Variants in LRMDA observed in about 807,000 individuals in gnomAD.
LRMDA encodes the protein leucine-rich melanocyte differentiation-associated protein.
In LRMDA, 18 loss-of-function variants were observed where a neutral mutation model predicts 29.8. That is an observed-to-expected ratio of 0.60 (90% confidence interval 0.42 to 0.90). The LOEUF (loss-of-function observed/expected upper bound fraction) is 0.90, where lower values mean the gene tolerates loss of function less well. Ranked by LOEUF, LRMDA falls within the 40% of genes least tolerant of loss-of-function variation. The pLI, the probability that LRMDA is intolerant of heterozygous loss-of-function variation, is 0.00. For missense variants in LRMDA, 273 were observed against 273.9 expected (o/e 1.00, Z 0.02); for synonymous variants, 125 against 109.4 (o/e 1.14, Z -0.89).
At chr10:75,851,044 T>G (rs372202574) in intron 2 of LRMDA, among the ~76,000 whole-genome samples, 78 of 152,196 alleles carry the variant, frequency 5.1e-4, no homozygotes, top group South Asian at 1.2e-3. Flanking sequence ...TTTTGGTGGT[T>G]GTTGTTGTTC....
chr10:76,454,540 G>A (rs1052423846), intron 6 of LRMDA, among the ~76,000 whole-genome samples: 6 of 151,860 alleles, frequency 4.0e-5, no homozygotes, highest in Non-Finnish European at 7.4e-5. Flanking sequence ...TAAACATAAA[G>A]AAAAAAAATG....
intron 2 of LRMDA, among the ~76,000 whole-genome samples, chr10:75,718,136 C>T (rs1049117636): frequency 6.6e-6 from 1 of 152,176 alleles, no homozygotes; most frequent in African/African-American, 2.4e-5. Context: ...TACTATCTAT[C>T]AATTGTTGCC....
intron 6 of LRMDA, among the ~76,000 whole-genome samples, chr10:76,409,754 A>G (rs958584507): frequency 6.6e-6 from 1 of 152,230 alleles, no homozygotes; most frequent in Non-Finnish European, 1.5e-5. Context: ...GCATTTCCCA[A>G]TATGTAATAG....
intron 2 of LRMDA, among the ~76,000 whole-genome samples, chr10:75,730,068 T>C (rs184108168): frequency 6.6e-6 from 1 of 152,246 alleles, no homozygotes; most frequent in Admixed American, 6.5e-5. Flanking sequence ...TGAGCAAGTG[T>C]AATACCAAAG....
At chr10:76,204,724 T>C (rs985426031) in intron 5 of LRMDA, among the ~76,000 whole-genome samples, 3 of 152,246 alleles carry the variant, frequency 2.0e-5, no homozygotes, top group Non-Finnish European at 2.9e-5. Context: ...GTTTCTTAAG[T>C]TTGGGGTGGC....
chr10:75,718,380 G>A (rs1842527225), intron 2 of LRMDA, among the ~76,000 whole-genome samples: 1 of 152,174 alleles, frequency 6.6e-6, no homozygotes, highest in South Asian at 2.1e-4. Flanking sequence ...GGAAATATGT[G>A]AGGCCTCAAG....
At chr10:75,686,892 C>T (rs1042922418) in intron 2 of LRMDA, among the ~76,000 whole-genome samples, 3 of 152,198 alleles carry the variant, frequency 2.0e-5, no homozygotes. Flanking sequence ...TGAAATATTT[C>T]TAACTTTTTC....
intron 2 of LRMDA, among the ~76,000 whole-genome samples, chr10:75,894,316 A>G (rs961378802): frequency 3.9e-5 from 6 of 152,214 alleles, no homozygotes; most frequent in Non-Finnish European, 8.8e-5. Flanking sequence ...ACTCAGAATA[A>G]TAGTCTCCAA....
intron 5 of LRMDA, among the ~76,000 whole-genome samples, chr10:76,103,826 G>A (rs996689693): frequency 1.3e-5 from 2 of 152,000 alleles, no homozygotes; most frequent in African/African-American, 4.8e-5. Flanking sequence ...TGAGGCGGGT[G>A]GATCACGAGG....
At chr10:75,479,523 A>T (rs1844834397) in intron 2 of LRMDA, among the ~76,000 whole-genome samples, 1 of 137,524 alleles carries the variant, frequency 7.3e-6, no homozygotes, top group Non-Finnish European at 1.6e-5. Context: ...AAAAAAAAAA[A>T]GTACACGCAA....
chr10:76,074,571 A>G (rs79796239), intron 5 of LRMDA, among the ~76,000 whole-genome samples: 1 of 152,172 alleles, frequency 6.6e-6, no homozygotes, highest in East Asian at 1.9e-4. Context: ...ATTAGCCTAT[A>G]TAGGGAGGAG....
intron 6 of LRMDA, among the ~76,000 whole-genome samples, chr10:76,459,307 A>G (rs1842489113): frequency 6.6e-6 from 1 of 152,154 alleles, no homozygotes; most frequent in Non-Finnish European, 1.5e-5. Context: ...ATAGCCTGTT[A>G]CTAGTGTTTA....
chr10:76,305,381 T>C (rs1840541132), intron 5 of LRMDA, among the ~76,000 whole-genome samples: 1 of 152,104 alleles, frequency 6.6e-6, no homozygotes, highest in Non-Finnish European at 1.5e-5. Flanking sequence ...GAAAGTAACC[T>C]CAAAACATCT....
At chr10:75,663,878 G>A (rs1841787389) in intron 2 of LRMDA, among the ~76,000 whole-genome samples, 1 of 152,060 alleles carries the variant, frequency 6.6e-6, no homozygotes, top group Admixed American at 6.6e-5. Context: ...GGACTGCTGG[G>A]GAGCCCCACG....
intron 5 of LRMDA, among the ~76,000 whole-genome samples, chr10:76,276,257 G>A (rs1300231186): frequency 3.3e-5 from 5 of 151,862 alleles, no homozygotes; most frequent in African/African-American, 1.2e-4. Flanking sequence ...CTCCTGCCTT[G>A]GCCTCCCTAG....
At chr10:76,125,342 CA>C (rs35702256) in intron 5 of LRMDA, among the ~76,000 whole-genome samples, 7 of 152,094 alleles carry the variant, frequency 4.6e-5, no homozygotes, top group Admixed American at 4.6e-4. Flanking sequence ...TTCATTCTTC[CA>C]AAATTATCCA....
At chr10:75,689,070 A>C (rs1482381156) in intron 2 of LRMDA, among the ~76,000 whole-genome samples, 1 of 152,066 alleles carries the variant, frequency 6.6e-6, no homozygotes, top group Non-Finnish European at 1.5e-5. Context: ...CTTTATCATG[A>C]TATTTGCTTT....
intron 6 of LRMDA, among the ~76,000 whole-genome samples, chr10:76,342,539 TATTA>T: frequency 6.6e-6 from 1 of 151,832 alleles, no homozygotes; most frequent in Non-Finnish European, 1.5e-5. Flanking sequence ...TAAAAATAAA[TATTA>T]ATAAGATAGA....
Position 75,501,700 on chromosome 10 carries a change from C to T in LRMDA, c.131+63206C>T, listed in dbSNP as rs1157769200. On this transcript the variant is annotated intron_variant, in intron 2 of 6. Transcript: ENST00000611255. Reference sequence around the variant, plus strand: ...TATCTGCACTACAAATATACATAACCGAAATAGGTCTCAGACCAGATGCTA... The same window carrying T: ...TATCTGCACTACAAATATACATAACTGAAATAGGTCTCAGACCAGATGCTA... Among the ~76,000 whole-genome samples, 5 of 152,244 alleles carry T rather than the reference C, an allele frequency of 3.3e-5. No homozygotes were observed. In the East Asian group the frequency reaches 5.8e-4, roughly 18 times the overall value.
Sources: gnomAD v4.1 joint callset for allele counts (sites outside exome capture counted in the v4.1 genomes callset) on GRCh38, gnomAD v4.1.1 for gene constraint, MANE v1.5 for transcripts, NCBI Gene and HGNC (gene_info 2026-07-23, HGNC 2026-07-21) for gene names.